The following STAG2 variants were observed in gnomAD, a reference collection of about 807,000 sequenced individuals.
STAG2 encodes the protein STAG2 cohesin complex component.
Under a neutral mutation model 108.1 loss-of-function variants are expected in STAG2, and 14 were observed. The ratio of observed to expected loss-of-function variants is 0.13; its 90% CI spans 0.09 to 0.20. The LOEUF is 0.20. Among genes scored for constraint, STAG2 ranks in the 10% least tolerant of loss-of-function variants. STAG2 has a pLI of 1.00. For synonymous variants in STAG2, 307 were observed against 302.7 expected, an observed-to-expected ratio of 1.01 and a Z score of -0.15; for missense variants, 440 against 940.9, an observed-to-expected ratio of 0.47 and a Z score of 6.96.
intron 34 of STAG2, among the ~76,000 whole-genome samples, chrX:124,097,511 A>T (rs777084836): frequency 8.9e-6 from 1 of 111,929 alleles, no homozygotes; most frequent in Non-Finnish European, 1.9e-5. Context: ...AATTTATTAC[A>T]TCAGAAGTTG....
chrX:124,002,452 A>C (rs1421476352), intron 1 of STAG2, among the ~76,000 whole-genome samples: 2 of 111,528 alleles, frequency 1.8e-5, no homozygotes, highest in African/African-American at 3.3e-5. Context: ...GTGATTTTGT[A>C]TATTTGTTGT....
chrX:124,051,075 T>TA (rs780456418), intron 11 of STAG2, 46 bp from the exon 12 acceptor site: 5 of 773,959 alleles, frequency 6.5e-6, no homozygotes, highest in Non-Finnish European at 5.6e-6. Flanking sequence ...TGAAAATACA[T>TA]AGAGTTTTAA....
chrX:124,014,524 C>T (rs2056634790), intron 1 of STAG2, among the ~76,000 whole-genome samples: 1 of 110,748 alleles, frequency 9.0e-6, no homozygotes, highest in African/African-American at 3.3e-5. Flanking sequence ...CCATGCCCAG[C>T]TAATTTTTGT....
chrX:124,037,698 G>C, intron 6 of STAG2, 75 bp downstream of exon 6: 1 of 565,437 alleles, frequency 1.8e-6, no homozygotes, highest in Non-Finnish European at 2.7e-6. Context: ...GATGTTGTTA[G>C]CACTTTACAT....
At chrX:123,989,289 T>C (rs1031306393) in intron 1 of STAG2, among the ~76,000 whole-genome samples, 1 of 111,922 alleles carries the variant, frequency 8.9e-6, no homozygotes, top group South Asian at 3.7e-4. Context: ...GTGAAAGATT[T>C]CATTTCTTCC....
At chrX:124,052,066 GTTATAC>G (rs2058060974) in intron 13 of STAG2, among the ~76,000 whole-genome samples, 1 of 112,062 alleles carries the variant, frequency 8.9e-6, no homozygotes, top group Non-Finnish European at 1.9e-5. Flanking sequence ...AAGAATGTCT[GTTATAC>G]TTCTCATAGC....
At chrX:124,006,059 C>A (rs781160888) in intron 1 of STAG2, among the ~76,000 whole-genome samples, 27 of 110,938 alleles carry the variant, frequency 2.4e-4, no homozygotes, top group Non-Finnish European at 3.8e-4. Context: ...TCCCTAAGGA[C>A]TTCGTTTTAA....
intron 1 of STAG2, among the ~76,000 whole-genome samples, chrX:123,995,298 C>T (rs2055679140): frequency 9.0e-6 from 1 of 111,713 alleles, no homozygotes; most frequent in Non-Finnish European, 1.9e-5. Context: ...CACAACGAAT[C>T]CGTTTTAGCA....
At chrX:124,019,977 G>A (rs924645555) in intron 1 of STAG2, among the ~76,000 whole-genome samples, 9 of 112,235 alleles carry the variant, frequency 8.0e-5, no homozygotes, top group Non-Finnish European at 1.5e-4. Flanking sequence ...ACGCACATGC[G>A]CGCATCTATC....
At chrX:123,998,017 A>G (rs754211208) in intron 1 of STAG2, among the ~76,000 whole-genome samples, 2 of 111,512 alleles carry the variant, frequency 1.8e-5, no homozygotes, top group East Asian at 2.8e-4. Context: ...TCATCTGTTG[A>G]TGGCTCCTCG....
chrX:123,999,816 T>C (rs891902632), intron 1 of STAG2, among the ~76,000 whole-genome samples: 58 of 110,897 alleles, frequency 5.2e-4, no homozygotes, highest in African/African-American at 1.8e-3. Flanking sequence ...GGTTTCTGCA[T>C]GTTGCTCAGA....
chrX:124,016,556 G>C (rs2056736610), intron 1 of STAG2, among the ~76,000 whole-genome samples: 1 of 111,838 alleles, frequency 8.9e-6, no homozygotes. Flanking sequence ...TTGGTTGGAT[G>C]AATTTTTAGT....
Position 124,017,224 on chromosome X carries a change from T to C in STAG2, c.-162-4143T>C, listed in dbSNP as rs548122912. Among the ~76,000 whole-genome samples the C allele has an allele frequency of 2.7e-5, 3 of 109,580 alleles. No individual in the cohort carries two copies. In the Admixed American group the frequency reaches 3.0e-4, roughly 11 times the overall value. ...ATTGAATTAAATACCTTTTTTTTTT[T>C]ATGGAGATGGAGTCTCACTCTGTTG... On this transcript the variant is annotated intron_variant, in intron 1 of 34. Transcript: ENST00000371145.
At chrX:124,050,144 TA>T (rs1485987499) in intron 10 of STAG2, 41 bp from the exon 11 acceptor site, 1 of 1,192,447 alleles carries the variant, frequency 8.4e-7, no homozygotes, top group Non-Finnish European at 1.1e-6. Flanking sequence ...TTTTGTGGTA[TA>T]TTGGCACTAA....
intron 7 of STAG2, among the ~76,000 whole-genome samples, chrX:124,044,310 A>T (rs1352573218): frequency 3.6e-5 from 4 of 111,892 alleles, no homozygotes; most frequent in Non-Finnish European, 7.5e-5. Context: ...TAAATTAGCC[A>T]ATCAGAAAAT....
chrX:124,049,154 G>A, intron 10 of STAG2, 76 bp downstream of exon 10: 1 of 806,538 alleles, frequency 1.2e-6, no homozygotes, highest in Non-Finnish European at 1.8e-6. Context: ...TCGTGGTGTA[G>A]GGAATCTAAA....
intron 15 of STAG2, among the ~76,000 whole-genome samples, chrX:124,060,873 G>A (rs945121538): frequency 6.4e-5 from 7 of 109,044 alleles, no homozygotes; most frequent in African/African-American, 1.7e-4. Context: ...GCAGTGAGCC[G>A]AGATAGCACC....
intron 1 of STAG2, among the ~76,000 whole-genome samples, chrX:123,964,250 CA>C (rs55860920): frequency 0.015 from 1,273 of 83,041 alleles, 10 homozygotes; most frequent in African/African-American, 0.044. Context: ...GCAAAACTTT[CA>C]AAAAAAAAAA....
In STAG2 at chrX:124,066,143, ATTTTTTTTT is replaced by A. The variant is rs748906058; in HGVS notation, c.2097-13_2097-5del. 7.1e-5 allele frequency: 42 copies of A among 590,369 alleles called. No individual in the cohort carries two copies. Among genetic ancestry groups the A allele is most frequent in the Middle Eastern group, 6.3e-4 (1 of 1,599 alleles). The allele number at this position is 590,369 out of a possible 1,213,427, so 48.7% of individuals were successfully genotyped here. A position where few individuals can be genotyped will look rare whatever the true frequency, so the allele number is the denominator to read the frequency against. On this transcript the variant is annotated intron_variant, in intron 21 of 34. Transcript: ENST00000371145. ...AGGCTTAGCTTTTTAATAAAACTTAATTTTTTTTTTTTTTTTTTTTTTTTTTTACAGTGC... is the reference window on the plus strand; with the variant it reads ...AGGCTTAGCTTTTTAATAAAACTTAATTTTTTTTTTTTTTTTTTACAGTGC...
Sources: gnomAD v4.1 joint callset for allele counts (sites outside exome capture counted in the v4.1 genomes callset) on GRCh38, gnomAD v4.1.1 for gene constraint, MANE v1.5 for transcripts, NCBI Gene and HGNC (gene_info 2026-07-23, HGNC 2026-07-21) for gene names.